TCERG1: variants seen among roughly 807,000 people sequenced by gnomAD.
The protein encoded by TCERG1 is TATA box binding protein (TBP)-associated factor, RNA polymerase II, S, 150kD.
In TCERG1, 37 loss-of-function variants were observed where a neutral mutation model predicts 144.7. The ratio of observed to expected loss-of-function variants is 0.26; its 90% CI spans 0.20 to 0.34. The LOEUF (loss-of-function observed/expected upper bound fraction) is 0.34, where lower values mean the gene tolerates loss of function less well. Among genes scored for constraint, TCERG1 ranks in the 10% least tolerant of loss-of-function variants. The probability of loss-of-function intolerance (pLI) is 1.00; values close to 1 mark genes in which losing one functional copy is unlikely to be tolerated. For missense variants in TCERG1, 1,027 were observed against 1,380.7 expected, an observed-to-expected ratio of 0.74 and a Z score of 4.06; for synonymous variants, 492 against 458.2, an observed-to-expected ratio of 1.07 and a Z score of -0.94.
At chr5:146,489,700 G>GTA (rs1364855030) in intron 15 of TCERG1, among the ~76,000 whole-genome samples, 1 of 152,076 alleles carries the variant, frequency 6.6e-6, no homozygotes, top group African/African-American at 2.4e-5. Context: ...GGCTTAAAGG[G>GTA]TATAGCCCCT....
intron 10 of TCERG1, 115 bp downstream of exon 10, chr5:146,478,768 CG>C (rs777954385): frequency 9.6e-7 from 1 of 1,043,974 alleles, no homozygotes; most frequent in South Asian, 2.2e-5. Context: ...AAGAAGCATT[CG>C]AAAAAAATAG....
intron 15 of TCERG1, among the ~76,000 whole-genome samples, chr5:146,491,605 G>A (rs764033066): frequency 1.3e-5 from 2 of 152,084 alleles, no homozygotes; most frequent in Non-Finnish European, 2.9e-5. Flanking sequence ...TCTCTGCTTC[G>A]GATCTGAGAG....
intron 17 of TCERG1, among the ~76,000 whole-genome samples, chr5:146,501,887 CTTTTTTTT>C (rs70998087): frequency 4.1e-5 from 3 of 73,416 alleles, no homozygotes; most frequent in African/African-American, 5.2e-5. Context: ...ATCAACTTCA[CTTTTTTTT>C]TTTTTTTTTT....
chr5:146,451,319 C>CTTTTTTT (rs56346846), intron 1 of TCERG1, among the ~76,000 whole-genome samples: 1 of 138,892 alleles, frequency 7.2e-6, no homozygotes, highest in African/African-American at 2.7e-5. Context: ...ATCCATATTC[C>CTTTTTTT]TTTTTTTTTT....
At chr5:146,461,888 A>G (rs1315847590) in intron 4 of TCERG1, 3 of 152,474 alleles carry the variant, frequency 2.0e-5, no homozygotes, top group Admixed American at 6.5e-5. Context: ...CAATGACCAG[A>G]TACATTTTCA....
At chr5:146,483,470 C>A in intron 14 of TCERG1, 70 bp from the exon 15 acceptor site, 1 of 1,378,872 alleles carries the variant, frequency 7.3e-7, no homozygotes, top group Non-Finnish European at 1.0e-6. Flanking sequence ...CTGTAGATTT[C>A]AAGCAAAATT....
chr5:146,495,175 T>G (rs1561693075), intron 16 of TCERG1, among the ~76,000 whole-genome samples: 1 of 152,216 alleles, frequency 6.6e-6, no homozygotes, highest in Non-Finnish European at 1.5e-5. Context: ...TTATTATCCC[T>G]TATCCCAAAT....
chr5:146,451,765 G>T (rs1386212747), intron 1 of TCERG1, among the ~76,000 whole-genome samples: 2 of 146,990 alleles, frequency 1.4e-5, no homozygotes, highest in East Asian at 2.3e-4. Context: ...AGTCCAGAAG[G>T]CAAATTAGTT....
In TCERG1 at chr5:146,507,279, AT is replaced by A; in HGVS notation, c.2961+73del. 7.1e-7 allele frequency: 1 copy of A among 1,406,318 alleles called. No homozygotes were observed. The highest frequency in any genetic ancestry group is 1.5e-5 in the African/African-American group (1 of 68,692). The allele number at this position is 1,406,318 out of a possible 1,614,324, so 87.1% of individuals were successfully genotyped here. On this transcript the variant is annotated intron_variant, in intron 20 of 22. Transcript: ENST00000679501. The surrounding 1 kb of genome is among the most constrained non-coding windows in gnomAD (Gnocchi z 4.6). Reference sequence around the variant, plus strand: ...AGTAATTTCTTAAAGCAAAGCATTGATATGATTTTTAGTGTCATGGTCTTTA... The same window carrying A: ...AGTAATTTCTTAAAGCAAAGCATTGAATGATTTTTAGTGTCATGGTCTTTA...
chr5:146,505,063 TA>T (rs1292084033), intron 19 of TCERG1, among the ~76,000 whole-genome samples: 1 of 137,314 alleles, frequency 7.3e-6, no homozygotes, highest in East Asian at 2.1e-4. Context: ...AAATGTACAT[TA>T]ACACTAATGA....
At chr5:146,505,087 TAAAA>T (rs58813480) in intron 19 of TCERG1, among the ~76,000 whole-genome samples, 5 of 112,458 alleles carry the variant, frequency 4.4e-5, no homozygotes, top group Admixed American at 9.1e-5. Context: ...GCCAATGAGC[TAAAA>T]AAAAAAAAAA....
chr5:146,462,315 G>A (rs1053153483), intron 4 of TCERG1, among the ~76,000 whole-genome samples: 5 of 152,122 alleles, frequency 3.3e-5, no homozygotes, highest in Admixed American at 3.3e-4. Context: ...TTCATTCTTA[G>A]TCCGATACAG....
In TCERG1 at chr5:146,463,723, A is replaced by G; in HGVS notation, c.1065A>G (p.Ile355Met). ...PHSVPQPTTAIPAFPPVMVPP... is the reference protein window; with the variant it reads ...PHSVPQPTTAMPAFPPVMVPP... ...CAGTACCTCAGCCAACAACAGCAAT[A>G]CCTGCTTTTCCACCAGTAATGGTAC... The change falls in exon 5 of 23, where the codon ATA (isoleucine) becomes ATG (methionine). Residue 355 changes from isoleucine (I) to methionine (M), a missense_variant. Ile to Met is a conservative substitution (Grantham distance 10). Transcript: ENST00000679501. 6.2e-7 allele frequency: 1 copy of G among 1,614,104 alleles called. No homozygotes were observed. Among genetic ancestry groups the G allele is most frequent in the South Asian group, 1.1e-5 (1 of 91,062 alleles).
chr5:146,489,878 A>G (rs1405582898), intron 15 of TCERG1, among the ~76,000 whole-genome samples: 1 of 152,170 alleles, frequency 6.6e-6, no homozygotes, highest in Admixed American at 6.5e-5. Flanking sequence ...GCATGACACA[A>G]ATTAGGAGCA....
chr5:146,452,269 T>C (rs1762419876), intron 1 of TCERG1, among the ~76,000 whole-genome samples: 1 of 151,446 alleles, frequency 6.6e-6, no homozygotes, highest in Non-Finnish European at 1.5e-5. Context: ...AAGAATATAA[T>C]TGTTAATTCC....
chr5:146,482,566 G>A (rs772620440), intron 13 of TCERG1, 26 bp from the exon 14 acceptor site: 60 of 1,570,380 alleles, frequency 3.8e-5, no homozygotes, highest in Admixed American at 1.5e-4. Flanking sequence ...TTTGTCAGTT[G>A]ATGTCTTATA....
chr5:146,474,613 A>G (rs1179470939), intron 9 of TCERG1, among the ~76,000 whole-genome samples: 1 of 152,180 alleles, frequency 6.6e-6, no homozygotes, highest in African/African-American at 2.4e-5. Context: ...GAGTCAATTG[A>G]TATAGAAAAC....
At chr5:146,504,667 C>G (rs1767779972) in intron 19 of TCERG1, among the ~76,000 whole-genome samples, 1 of 152,198 alleles carries the variant, frequency 6.6e-6, no homozygotes, top group African/African-American at 2.4e-5. Context: ...TCCCTTGCAT[C>G]TGTTTCTTAC....
intron 15 of TCERG1, among the ~76,000 whole-genome samples, chr5:146,484,632 CT>C (rs1765660129): frequency 6.6e-6 from 1 of 152,024 alleles, no homozygotes; most frequent in African/African-American, 2.4e-5. Flanking sequence ...GTATTTGCAT[CT>C]TCATTTTAAG....
Sources: gnomAD v4.1 joint callset for allele counts (sites outside exome capture counted in the v4.1 genomes callset) on GRCh38, gnomAD v4.1.1 for gene constraint, Gnocchi (gnomAD v3.1) non-coding constraint, MANE v1.5 for transcripts, NCBI Gene and HGNC (gene_info 2026-07-23, HGNC 2026-07-21) for gene names.